Variants in CEP43 observed in about 807,000 individuals in gnomAD.
The protein encoded by CEP43 is centrosomal protein 43.
In CEP43, 36 loss-of-function variants were observed where a neutral mutation model predicts 52.6. The observed-to-expected ratio is 0.68, with a 90% confidence interval of 0.52 to 0.90. The LOEUF (loss-of-function observed/expected upper bound fraction) is 0.90. CEP43 is among the 40% of genes least tolerant of loss of function. The pLI is 0.00. For synonymous variants in CEP43, 192 were observed against 172.4 expected (o/e 1.11, Z -0.89); for missense variants, 506 against 472.8 (o/e 1.07, Z -0.65).
At chr6:167,011,252 A>G (rs777399209) in intron 6 of CEP43, among the ~76,000 whole-genome samples, 1 of 151,968 alleles carries the variant, frequency 6.6e-6, no homozygotes, top group Admixed American at 6.6e-5. Flanking sequence ...GTATTATAGG[A>G]TATAATATTG....
rs1780849763 is a variant in CEP43 at position 167,050,116 on chromosome 6, A to C, written c.*10138A>C. ...GTCAAGGGTGGGACCAGGTGGAGGT[A>C]ATTGGATCATGAGGGTGGTTTTCCC... On this transcript the variant is annotated 3_prime_UTR_variant, in exon 13 of 13. Coordinates refer to ENST00000366847, the MANE Select transcript of CEP43 (RefSeq NM_007045.4). The C allele has an allele frequency of 6.6e-6, 1 of 152,112 alleles. No homozygotes were observed. Among genetic ancestry groups the C allele is most frequent in the Admixed American group, 6.5e-5 (1 of 15,270 alleles). 9.4% of individuals were successfully genotyped at this position (152,112 alleles called of 1,614,324 possible).
At chr6:167,002,264 T>G (rs1211444878) in intron 2 of CEP43, among the ~76,000 whole-genome samples, 1 of 152,194 alleles carries the variant, frequency 6.6e-6, no homozygotes, top group African/African-American at 2.4e-5. Context: ...ACTCTTTTTT[T>G]TTGGTCTGTT....
intron 7 of CEP43, among the ~76,000 whole-genome samples, chr6:167,014,447 A>C (rs1780049794): frequency 6.6e-6 from 1 of 152,216 alleles, no homozygotes; most frequent in Non-Finnish European, 1.5e-5. Context: ...TGAAATTTAA[A>C]TATTAGAAGT....
chr6:166,999,918 G>C (rs1394135644), intron 1 of CEP43, 142 bp from the exon 2 acceptor site: 1 of 639,860 alleles, frequency 1.6e-6, no homozygotes, highest in East Asian at 2.8e-5. Context: ...GTGTGACTGA[G>C]AACGTTTCGG....
At chr6:167,026,051 AG>A (rs2128665298) in intron 9 of CEP43, among the ~76,000 whole-genome samples, 1 of 152,362 alleles carries the variant, frequency 6.6e-6, no homozygotes, top group East Asian at 1.9e-4. Context: ...GTTCCAATAA[AG>A]TAGTATTGTT....
rs1178686289 is a variant in CEP43 at position 167,050,206 on chromosome 6, C to G, written c.*10228C>G. 5 of 152,826 alleles carry G rather than the reference C, an allele frequency of 3.3e-5. No homozygotes were observed. Among genetic ancestry groups the G allele is most frequent in the Non-Finnish European group, 7.3e-5 (5 of 68,510 alleles). The allele number at this position is 152,826 out of a possible 1,614,324, so 9.5% of individuals were successfully genotyped here. ...GGTTTTATAAGCATCTGGCATTTCC[C>G]CTGCTTGCACTCAGGCTGTCCTGCC... On this transcript the variant is annotated 3_prime_UTR_variant, in exon 13 of 13. Coordinates refer to ENST00000366847, the MANE Select transcript of CEP43 (RefSeq NM_007045.4).
At chr6:167,018,518 G>A (rs1780152765) in intron 7 of CEP43, among the ~76,000 whole-genome samples, 1 of 152,080 alleles carries the variant, frequency 6.6e-6, no homozygotes, top group South Asian at 2.1e-4. Flanking sequence ...AGCCTCCTGA[G>A]TAGCTGGGAT....
chr6:167,028,302 C>T (rs1192051991), intron 10 of CEP43: 9 of 985,204 alleles, frequency 9.1e-6, no homozygotes, highest in African/African-American at 3.5e-5. Flanking sequence ...GAGGGAATGT[C>T]GTTGCTGGGG....
intron 10 of CEP43, chr6:167,028,300 GT>G: frequency 5.1e-6 from 5 of 985,406 alleles, no homozygotes; most frequent in Non-Finnish European, 6.0e-6. Flanking sequence ...AGGAGGGAAT[GT>G]CGTTGCTGGG....
At position 167,013,494 on chromosome 6, in the gene CEP43, A is replaced by G. The variant is rs1482558257; in HGVS notation, c.520-14A>G. 6.2e-7 allele frequency: 1 copy of G among 1,603,858 alleles called. No individual in the cohort carries two copies. Among genetic ancestry groups the G allele is most frequent in the South Asian group, 1.1e-5 (1 of 89,962 alleles). ...CTATTTTGTGGTAAAATCTCATTTT[A>G]TTCTCATGCTCAGATACCAAGGTAT... is the stretch of plus-strand genomic sequence containing the variant. On this transcript the variant is annotated splice_polypyrimidine_tract_variant and intron_variant, in intron 6 of 12. Transcript: ENST00000366847.
rs1347611194 is a variant in CEP43, at chr6:167,004,421, A to G, written c.438+20A>G. ...GGGGAAGTAAGTAGAATTCTGTGTT[A>G]TCTTTTTCTATTTTAATTATTGGCT... On this transcript the variant is annotated intron_variant, in intron 5 of 12. Transcript: ENST00000366847. 6.4e-7 allele frequency: 1 copy of G among 1,559,834 alleles called. No homozygotes were observed. Among genetic ancestry groups the G allele is most frequent in the East Asian group, 2.3e-5 (1 of 43,824 alleles).
At chr6:167,037,680 A>T (rs1000032773) in intron 12 of CEP43, among the ~76,000 whole-genome samples, 1 of 152,340 alleles carries the variant, frequency 6.6e-6, no homozygotes, top group East Asian at 1.9e-4. Context: ...AAATGAGAGG[A>T]TATGTGGGGG....
rs1339886598 is a variant in CEP43, at chr6:167,049,592, C to T, written c.*9614C>T. ...AATACTCCATTGTAGGGATTGACCACACTTTATCCATTCATTGGTTGATGG... is the reference window on the plus strand; with the variant it reads ...AATACTCCATTGTAGGGATTGACCATACTTTATCCATTCATTGGTTGATGG... On this transcript the variant is annotated 3_prime_UTR_variant, in exon 13 of 13. Transcript: ENST00000366847. 3.3e-5 allele frequency: 5 copies of T among 152,242 alleles called. No individual in the cohort carries two copies. Among genetic ancestry groups the T allele is most frequent in the Non-Finnish European group, 7.3e-5 (5 of 68,040 alleles). The allele number at this position is 152,242 out of a possible 1,614,324, so 9.4% of individuals were successfully genotyped here. A position where few individuals can be genotyped will look rare whatever the true frequency, so the allele number is the denominator to read the frequency against.
intron 5 of CEP43, among the ~76,000 whole-genome samples, chr6:167,005,468 A>G (rs895674299): frequency 3.9e-5 from 6 of 152,210 alleles, no homozygotes; most frequent in Admixed American, 2.6e-4. Flanking sequence ...ATTTTATTGA[A>G]GTCAATTTTA....
chr6:167,006,951 TAAAGAC>T (rs1779868933), intron 5 of CEP43, among the ~76,000 whole-genome samples: 1 of 152,170 alleles, frequency 6.6e-6, no homozygotes, highest in South Asian at 2.1e-4. Context: ...AGTAAAAACA[TAAAGAC>T]AAAAGCAAAT....
At position 167,044,474 on chromosome 6, in the gene CEP43, C is replaced by G; in HGVS notation, c.*4496C>G. ...GGACCTCCAGGCTGACAAAGTTTCC[C>G]CGAGGAAGTCAGATTGGAAAAGTGT... On this transcript the variant is annotated 3_prime_UTR_variant, in exon 13 of 13. Coordinates refer to ENST00000366847, the MANE Select transcript of CEP43 (RefSeq NM_007045.4). The G allele has an allele frequency of 1.0e-6, 1 of 985,242 alleles. No individual in the cohort carries two copies. Among genetic ancestry groups the G allele is most frequent in the South Asian group, 4.7e-5 (1 of 21,262 alleles). The allele number at this position is 985,242 out of a possible 1,614,324, so 61.0% of individuals were successfully genotyped here.
In CEP43 at chr6:167,024,873, CCTT is replaced by C; in HGVS notation, c.902_904del (p.Ser301del). 1 of 1,606,052 alleles carries C rather than the reference CCTT, an allele frequency of 6.2e-7. No homozygotes were observed. The highest frequency in any genetic ancestry group is 8.5e-7 in the Non-Finnish European group (1 of 1,173,906). ...TGGACTCAGCTCCCTGGCGGGAGCCCCTTCTTTAAAAGACTCTGAGAGTAAGTG... is the reference window on the plus strand; with the variant it reads ...TGGACTCAGCTCCCTGGCGGGAGCCCCTTTAAAAGACTCTGAGAGTAAGTG... On this transcript the variant is annotated inframe_deletion, in exon 9 of 13. Coordinates refer to ENST00000366847, the MANE Select transcript of CEP43 (RefSeq NM_007045.4).
intron 12 of CEP43, among the ~76,000 whole-genome samples, chr6:167,039,699 T>C (rs1435294160): frequency 2.0e-5 from 3 of 152,246 alleles, no homozygotes; most frequent in Non-Finnish European, 2.9e-5. Flanking sequence ...ATAGTGGTTG[T>C]ACTAGTTTAC....
intron 2 of CEP43, among the ~76,000 whole-genome samples, chr6:167,001,326 G>C (rs1382976557): frequency 6.6e-6 from 1 of 152,062 alleles, no homozygotes; most frequent in Non-Finnish European, 1.5e-5. Flanking sequence ...TTTTCTGATG[G>C]CTTTTCTTTT....
Sources: gnomAD v4.1 joint callset for allele counts (sites outside exome capture counted in the v4.1 genomes callset) on GRCh38, gnomAD v4.1.1 for gene constraint, MANE v1.5 for transcripts, NCBI Gene and HGNC (gene_info 2026-07-23, HGNC 2026-07-21) for gene names.